MACROD2: variants seen among roughly 807,000 people sequenced by gnomAD.
MACROD2 encodes the protein mono-ADP ribosylhydrolase 2, also known as ADP-ribose glycohydrolase MACROD2.
MACROD2 carries 36 observed loss-of-function variants against 70.4 expected under a neutral mutation model. That is an observed-to-expected ratio of 0.51 (90% CI 0.39 to 0.68). The LOEUF (loss-of-function observed/expected upper bound fraction) is 0.68. MACROD2 is among the 30% of genes least tolerant of loss of function. MACROD2 has a pLI of 0.00. For synonymous variants in MACROD2, 172 were observed against 178.8 expected (o/e 0.96, Z 0.30); for missense variants, 496 against 538.4 (o/e 0.92, Z 0.78).
At chr20:15,487,983 C>T (rs1273030934) in intron 7 of MACROD2, among the ~76,000 whole-genome samples, 1 of 152,150 alleles carries the variant, frequency 6.6e-6, no homozygotes, top group Non-Finnish European at 1.5e-5. Flanking sequence ...AGCATAAAAG[C>T]TCCATGAGAC....
chr20:15,242,129 A>G (rs175308), intron 6 of MACROD2, among the ~76,000 whole-genome samples: 42,822 of 152,026 alleles, frequency 0.28, 6,259 homozygotes, highest in African/African-American at 0.34. Flanking sequence ...GGATCAAGAA[A>G]GACACTACAT....
At chr20:13,998,682 G>A (rs888570845) in intron 1 of MACROD2, among the ~76,000 whole-genome samples, 1 of 152,098 alleles carries the variant, frequency 6.6e-6, no homozygotes, top group Non-Finnish European at 1.5e-5. Context: ...AGGGCTAGGC[G>A]CGGTGGCTCA....
intron 8 of MACROD2, among the ~76,000 whole-genome samples, chr20:15,771,019 G>T (rs2147017116): frequency 6.6e-6 from 1 of 152,230 alleles, no homozygotes. Flanking sequence ...ATAGATATTT[G>T]CAGAACAATA....
chr20:14,071,250 G>GTTT (rs1569145178), intron 2 of MACROD2, among the ~76,000 whole-genome samples: 36 of 61,062 alleles, frequency 5.9e-4, no homozygotes, highest in South Asian at 1.9e-3. Context: ...ATTTCATCTT[G>GTTT]TGTTTTTTTT....
At chr20:15,807,993 T>C (rs2063784527) in intron 8 of MACROD2, among the ~76,000 whole-genome samples, 1 of 152,156 alleles carries the variant, frequency 6.6e-6, no homozygotes, top group Admixed American at 6.5e-5. Flanking sequence ...AAAAAAGCAC[T>C]GTGAGGATCC....
chr20:15,073,093 C>T (rs190586941), intron 5 of MACROD2, among the ~76,000 whole-genome samples: 4 of 152,176 alleles, frequency 2.6e-5, no homozygotes, highest in Non-Finnish European at 4.4e-5. Flanking sequence ...ATTGGACTTT[C>T]CAGCCTCTAG....
chr20:15,561,992 C>T (rs1048799764), intron 8 of MACROD2, among the ~76,000 whole-genome samples: 1 of 152,044 alleles, frequency 6.6e-6, no homozygotes, highest in Non-Finnish European at 1.5e-5. Context: ...AAAATCAGGC[C>T]TGACTTATTT....
intron 2 of MACROD2, among the ~76,000 whole-genome samples, chr20:14,066,313 C>G (rs536744388): frequency 2.0e-5 from 3 of 152,262 alleles, no homozygotes; most frequent in Non-Finnish European, 4.4e-5. Flanking sequence ...TGGGCATTTA[C>G]TATATATCTT....
chr20:15,377,347 A>G (rs1197482855), intron 6 of MACROD2, among the ~76,000 whole-genome samples: 5 of 152,222 alleles, frequency 3.3e-5, no homozygotes, highest in African/African-American at 4.8e-5. Context: ...AGAAAAAGAG[A>G]AAAGAGAAGG....
At chr20:15,610,991 CTTTTTTT>C (rs34495725) in intron 8 of MACROD2, among the ~76,000 whole-genome samples, 21 of 60,118 alleles carry the variant, frequency 3.5e-4, no homozygotes, top group South Asian at 8.9e-4. Context: ...AGCCAAAAAT[CTTTTTTT>C]TTTTTTTTTT....
chr20:14,549,256 G>A (rs143693965), intron 4 of MACROD2, among the ~76,000 whole-genome samples: 14 of 152,178 alleles, frequency 9.2e-5, no homozygotes, highest in African/African-American at 3.1e-4. Flanking sequence ...GGGGAGAGGA[G>A]GAATTACTTA....
intron 3 of MACROD2, among the ~76,000 whole-genome samples, chr20:14,087,390 A>G (rs1004993604): frequency 6.6e-5 from 10 of 151,028 alleles, no homozygotes; most frequent in South Asian, 6.3e-4. Context: ...AATTGAGACC[A>G]TGTCTCAAAA....
chr20:15,860,221 A>G (rs1285828705), intron 8 of MACROD2, among the ~76,000 whole-genome samples: 2 of 151,874 alleles, frequency 1.3e-5, no homozygotes, highest in African/African-American at 4.8e-5. Context: ...ACTCATACAC[A>G]CTCATGCACA....
intron 8 of MACROD2, among the ~76,000 whole-genome samples, chr20:15,748,446 T>C (rs1036886023): frequency 6.6e-6 from 1 of 151,940 alleles, no homozygotes; most frequent in Non-Finnish European, 1.5e-5. Flanking sequence ...CACAGAAAAC[T>C]TCTCTATTAT....
In MACROD2 at chr20:14,671,781, T is replaced by C. The variant is rs1022322065; in HGVS notation, c.302-13062T>C. Among the ~76,000 whole-genome samples the C allele has an allele frequency of 1.3e-5, 2 of 152,172 alleles. 1 individual carries two copies. Among genetic ancestry groups the C allele is most frequent in the Non-Finnish European group, 2.9e-5 (2 of 68,018 alleles). On this transcript the variant is annotated intron_variant, in intron 4 of 17. Transcript: ENST00000684519. Reference sequence around the variant, plus strand: ...GCAGGCTCAAATAAATTAACCAAATTCCTCACATCTGTGAAGCTTCAAGAT... The same window carrying C: ...GCAGGCTCAAATAAATTAACCAAATCCCTCACATCTGTGAAGCTTCAAGAT...
At chr20:14,169,161 A>G (rs1023557565) in intron 3 of MACROD2, among the ~76,000 whole-genome samples, 4 of 152,248 alleles carry the variant, frequency 2.6e-5, no homozygotes, top group Admixed American at 2.6e-4. Flanking sequence ...GTATCCCTTT[A>G]TGACAAAAAC....
chr20:15,777,499 TTCCTTCCTTCTTTCCTTCCTTCCTTCC>T (rs2051743746), intron 8 of MACROD2, among the ~76,000 whole-genome samples: 157 of 75,034 alleles, frequency 2.1e-3, no homozygotes, highest in African/African-American at 0.012. Flanking sequence ...TTTTTTTTCC[TTCCTTCCTTCTTTCCTTCCTTCCTTCC>T]TTCCTTCCTT....
At chr20:15,711,154 G>A (rs937294971) in intron 8 of MACROD2, among the ~76,000 whole-genome samples, 4 of 152,174 alleles carry the variant, frequency 2.6e-5, no homozygotes, top group Non-Finnish European at 5.9e-5. Context: ...TCGGTAAATA[G>A]GCTTTCAAGG....
At position 14,724,344 on chromosome 20, in the gene MACROD2, GATA is replaced by G. The variant is rs1466253001; in HGVS notation, c.418+39392_418+39394del. ...TCCGTTTCATCACCTTTAAAATGGG[GATA>G]ATAATAGTTCCCATCACCCATTTTA... is the stretch of plus-strand genomic sequence containing the variant. On this transcript the variant is annotated intron_variant, in intron 5 of 17. Coordinates refer to ENST00000684519, the MANE Select transcript of MACROD2 (RefSeq NM_001351661.2). Among the ~76,000 whole-genome samples, 6 of 152,054 alleles carry G rather than the reference GATA, an allele frequency of 3.9e-5. 1 individual carries two copies. The East Asian group carries it at 7.7e-4, about 20-fold the overall frequency.
Sources: allele counts gnomAD v4.1 joint callset (sites outside exome capture counted in the v4.1 genomes callset), GRCh38; gene constraint gnomAD v4.1.1; transcripts MANE v1.5; gene names NCBI Gene and HGNC (gene_info 2026-07-23, HGNC 2026-07-21).